Variants in ATP8A1 observed in about 807,000 individuals in gnomAD.
ATP8A1 encodes ATPase phospholipid transporting 8A1, also known as phospholipid-transporting ATPase IA.
Under a neutral mutation model 177.7 loss-of-function variants are expected in ATP8A1, and 90 were observed. That is an observed-to-expected ratio of 0.51 (90% CI 0.43 to 0.60). The LOEUF is 0.60. Among genes scored for constraint, ATP8A1 ranks in the 20% least tolerant of loss-of-function variants. The pLI is 0.00. For missense variants in ATP8A1, 1,072 were observed against 1,392.8 expected (o/e 0.77, Z 3.67); for synonymous variants, 493 against 485.9 (o/e 1.01, Z -0.19).
At position 42,557,897 on chromosome 4, in the gene ATP8A1, G is replaced by A. The variant is rs534870189; in HGVS notation, c.1341-1857C>T. On this transcript the variant is annotated intron_variant, in intron 15 of 36. Transcript: ENST00000381668. ...ATCTCTACTAAAAATATAAAAATTA[G>A]TCAGGTGTGGTCCCAGCTACTCGGG... is the stretch of plus-strand genomic sequence containing the variant. Among the ~76,000 whole-genome samples, 7 of 152,058 alleles carry A rather than the reference G, an allele frequency of 4.6e-5. No individual in the cohort carries two copies. In the East Asian group the frequency reaches 1.4e-3, roughly 29 times the overall value.
chr4:42,530,579 T>C (rs1481481997), intron 20 of ATP8A1, among the ~76,000 whole-genome samples: 1 of 152,176 alleles, frequency 6.6e-6, no homozygotes, highest in Non-Finnish European at 1.5e-5. Context: ...ACTCACTTTA[T>C]GGCTAAAGAC....
intron 14 of ATP8A1, among the ~76,000 whole-genome samples, chr4:42,571,569 G>A (rs1039462876): frequency 2.7e-4 from 41 of 151,298 alleles, no homozygotes; most frequent in African/African-American, 8.8e-4. Context: ...TACCTATTCC[G>A]GGTATTCAAG....
chr4:42,470,074 T>C (rs1378596775), intron 25 of ATP8A1, among the ~76,000 whole-genome samples: 2 of 152,346 alleles, frequency 1.3e-5, no homozygotes, highest in South Asian at 2.1e-4. Context: ...CACAGTTATC[T>C]TCTGTTCCAC....
intron 20 of ATP8A1, among the ~76,000 whole-genome samples, chr4:42,542,356 A>T (rs1358500967): frequency 6.6e-6 from 1 of 152,196 alleles, no homozygotes; most frequent in Non-Finnish European, 1.5e-5. Flanking sequence ...AAACTATACA[A>T]GAAAGGATGT....
intron 1 of ATP8A1, among the ~76,000 whole-genome samples, chr4:42,635,161 C>CTT (rs111950204): frequency 1.4e-5 from 2 of 147,978 alleles, no homozygotes; most frequent in Admixed American, 6.7e-5. Flanking sequence ...ATATTGAGTA[C>CTT]TTTTTTTTTT....
intron 31 of ATP8A1, 57 bp from the exon 32 acceptor site, chr4:42,444,691 G>T: frequency 6.6e-7 from 1 of 1,508,520 alleles, no homozygotes; most frequent in South Asian, 1.1e-5. Context: ...TTCATCAAAT[G>T]ACTGAAGGAT....
At position 42,408,662 on chromosome 4, in the gene ATP8A1, ACTTTAT is replaced by A. The variant is rs1468849814; in HGVS notation, c.*4248_*4253del. On this transcript the variant is annotated 3_prime_UTR_variant, in exon 37 of 37. Transcript: ENST00000381668. Reference sequence around the variant, plus strand: ...GGTTTTTCAGGGAGCTGAAAATACTACTTTATCTTTAACGCAAAACTGCAGTTTTCT... The same window carrying A: ...GGTTTTTCAGGGAGCTGAAAATACTACTTTAACGCAAAACTGCAGTTTTCT... 2.6e-5 allele frequency: 4 copies of A among 152,214 alleles called. No individual in the cohort carries two copies. The highest frequency in any genetic ancestry group is 9.6e-5 in the African/African-American group (4 of 41,464). The allele number at this position is 152,214 out of a possible 1,614,324, so 9.4% of individuals were successfully genotyped here. A position where few individuals can be genotyped will look rare whatever the true frequency, so the allele number is the denominator to read the frequency against.
chr4:42,422,763 T>G (rs776137583), intron 35 of ATP8A1, 44 bp downstream of exon 35: 6 of 1,491,642 alleles, frequency 4.0e-6, no homozygotes, highest in Admixed American at 1.7e-5. Flanking sequence ...ACAAGATAAA[T>G]TTAAAGTTCA....
chr4:42,594,355 A>G, intron 6 of ATP8A1: 1 of 1,576,370 alleles, frequency 6.3e-7, no homozygotes, highest in Non-Finnish European at 8.7e-7. Context: ...TATATCTCCA[A>G]CATTTACCTG....
intron 20 of ATP8A1, among the ~76,000 whole-genome samples, chr4:42,532,993 CT>C (rs903627573): frequency 5.9e-5 from 9 of 152,182 alleles, no homozygotes; most frequent in African/African-American, 1.9e-4. Context: ...TTGCTGACTC[CT>C]TTTTTGGACT....
rs1279984098 is a variant in ATP8A1 at position 42,635,778 on chromosome 4, C to CATATATATATAT, written c.50-8670_50-8669insATATATATATAT. Reference sequence around the variant, plus strand: ...ATACACACACACACACACACACACACACACATATATATATATATATATATA... The same window carrying CATATATATATAT: ...ATACACACACACACACACACACACACATATATATATATACACATATATATATATATATATATA... On this transcript the variant is annotated intron_variant, in intron 1 of 36. Coordinates refer to ENST00000381668, the MANE Select transcript of ATP8A1 (RefSeq NM_006095.2). Among the ~76,000 whole-genome samples the CATATATATATAT allele has an allele frequency of 2.7e-3, 92 of 33,574 alleles. 2 individuals carry two copies. Among genetic ancestry groups the CATATATATATAT allele is most frequent in the South Asian group, 7.7e-3 (7 of 906 alleles). 22.0% of individuals were successfully genotyped at this position (33,574 alleles called of 152,430 possible).
At chr4:42,495,323 T>C (rs1723154442) in intron 24 of ATP8A1, among the ~76,000 whole-genome samples, 1 of 152,264 alleles carries the variant, frequency 6.6e-6, no homozygotes, top group Admixed American at 6.5e-5. Context: ...CATAATAACA[T>C]ATGGATAAAC....
intron 22 of ATP8A1, among the ~76,000 whole-genome samples, chr4:42,517,415 A>G (rs1234959046): frequency 6.6e-6 from 1 of 152,218 alleles, no homozygotes; most frequent in Non-Finnish European, 1.5e-5. Context: ...AGGGTGAGAT[A>G]AAACAGGTCA....
intron 14 of ATP8A1, among the ~76,000 whole-genome samples, chr4:42,572,983 A>T (rs1577616981): frequency 6.6e-6 from 1 of 152,258 alleles, no homozygotes; most frequent in Non-Finnish European, 1.5e-5. Flanking sequence ...GCTCAGACCC[A>T]CCCTATAACA....
intron 22 of ATP8A1, 101 bp downstream of exon 22, chr4:42,522,059 T>C (rs540970059): frequency 7.6e-7 from 1 of 1,323,228 alleles, no homozygotes; most frequent in South Asian, 1.5e-5. Flanking sequence ...GTGAATGGTA[T>C]GTCAAGATAT....
rs945682893 is a variant in ATP8A1, at chr4:42,411,292, T to C, written c.*1624A>G. 28 of 152,196 alleles carry C rather than the reference T, an allele frequency of 1.8e-4. No homozygotes were observed. Among genetic ancestry groups the C allele is most frequent in the Admixed American group, 1.2e-3 (18 of 15,274 alleles). 9.4% of individuals were successfully genotyped at this position (152,196 alleles called of 1,614,324 possible). On this transcript the variant is annotated 3_prime_UTR_variant, in exon 37 of 37. Transcript: ENST00000381668. Reference sequence around the variant, plus strand: ...ATGACATATATCCTAATTTTAAATCTAGATTGAGAAAAAGGGTGAAAAGAA... The same window carrying C: ...ATGACATATATCCTAATTTTAAATCCAGATTGAGAAAAAGGGTGAAAAGAA...
intron 20 of ATP8A1, among the ~76,000 whole-genome samples, chr4:42,532,266 C>T (rs1727344313): frequency 6.6e-6 from 1 of 152,100 alleles, no homozygotes; most frequent in Admixed American, 6.5e-5. Flanking sequence ...GGGCTGATCA[C>T]CTGAGGTCAG....
chr4:42,553,757 G>A (rs987891732), intron 16 of ATP8A1, among the ~76,000 whole-genome samples: 7 of 152,066 alleles, frequency 4.6e-5, no homozygotes, highest in African/African-American at 1.7e-4. Context: ...GGGGAAGACC[G>A]AACACAAATA....
chr4:42,627,629 T>C (rs995465304), intron 1 of ATP8A1, among the ~76,000 whole-genome samples: 5 of 152,248 alleles, frequency 3.3e-5, no homozygotes, highest in Admixed American at 6.5e-5. Context: ...TTAGAATTCA[T>C]GTTCACAAAC....
Sources: allele counts gnomAD v4.1 joint callset (sites outside exome capture counted in the v4.1 genomes callset), GRCh38; gene constraint gnomAD v4.1.1; transcripts MANE v1.5; gene names NCBI Gene and HGNC (gene_info 2026-07-23, HGNC 2026-07-21).